The following CAMK2A variants were observed in gnomAD, a reference collection of about 807,000 sequenced individuals.
The protein encoded by CAMK2A is calcium/calmodulin-dependent protein kinase type II subunit alpha.
CAMK2A carries 7 observed loss-of-function variants against 79.2 expected under a neutral mutation model. The observed-to-expected ratio is 0.09, with a 90% CI of 0.05 to 0.17. CAMK2A has a LOEUF of 0.17. Ranked by LOEUF, CAMK2A falls within the 10% of genes least tolerant of loss-of-function variation. The pLI is 1.00. For missense variants in CAMK2A, 214 were observed against 646.4 expected (o/e 0.33, Z 7.25); for synonymous variants, 242 against 251.7 (o/e 0.96, Z 0.36).
chr5:150,270,098 A>G (rs13354653), intron 2 of CAMK2A, among the ~76,000 whole-genome samples: 47,992 of 152,120 alleles, frequency 0.32, 11,645 homozygotes, highest in African/African-American at 0.68. Context: ...CTGTGTGTGC[A>G]GTGGGGAGGA....
At chr5:150,226,025 C>T (rs1209360906) in intron 17 of CAMK2A, among the ~76,000 whole-genome samples, 4 of 152,296 alleles carry the variant, frequency 2.6e-5, no homozygotes, top group Middle Eastern at 6.8e-3. Context: ...GGATTACAGG[C>T]GTGAGCCACC....
In CAMK2A at chr5:150,221,590, T is replaced by A. The variant is rs1754311806; in HGVS notation, c.*1120A>T. On this transcript the variant is annotated 3_prime_UTR_variant, in exon 19 of 19. Transcript: ENST00000671881. ...TCCTCCTCTCTGCCCTGACTTGCTG[T>A]TCCTGAGTCAGTGCTGGCATCTGAT... 2.5e-6 allele frequency: 1 copy of A among 398,630 alleles called. No individual in the cohort carries two copies. The highest frequency in any genetic ancestry group is 4.4e-6 in the Non-Finnish European group (1 of 226,040). 24.7% of individuals were successfully genotyped at this position (398,630 alleles called of 1,614,324 possible).
intron 2 of CAMK2A, among the ~76,000 whole-genome samples, chr5:150,266,354 C>A (rs1461500252): frequency 6.6e-6 from 1 of 152,226 alleles, no homozygotes; most frequent in Non-Finnish European, 1.5e-5. Flanking sequence ...CAAGCTGAAG[C>A]CTCCGTGGTG....
chr5:150,221,422 C>G lies in CAMK2A; in HGVS notation c.*1288G>C, dbSNP rs1237048951. On this transcript the variant is annotated 3_prime_UTR_variant, in exon 19 of 19. Coordinates refer to ENST00000671881, the MANE Select transcript of CAMK2A (RefSeq NM_015981.4). The stretch of plus-strand genomic sequence containing the variant: ...GAGAGGCAATGAAGACACACGCTCA[C>G]GGGCCCCCCAGAGGTGGGTGGGGGG... 3 of 398,592 alleles carry G rather than the reference C, an allele frequency of 7.5e-6. No homozygotes were observed. Among genetic ancestry groups the G allele is most frequent in the Middle Eastern group, 6.2e-4 (1 of 1,608 alleles). 24.7% of individuals were successfully genotyped at this position (398,592 alleles called of 1,614,324 possible). A position where few individuals can be genotyped will look rare whatever the true frequency, so the allele number is the denominator to read the frequency against.
At chr5:150,241,002 C>T (rs1202719353) in intron 13 of CAMK2A, among the ~76,000 whole-genome samples, 1 of 152,210 alleles carries the variant, frequency 6.6e-6, no homozygotes, top group Non-Finnish European at 1.5e-5. Flanking sequence ...CAGTGAGCTC[C>T]CCAAAATCCT....
chr5:150,243,399 T>C (rs1189601191), intron 13 of CAMK2A, among the ~76,000 whole-genome samples: 1 of 152,194 alleles, frequency 6.6e-6, no homozygotes, highest in African/African-American at 2.4e-5. Flanking sequence ...GGGCCCCAGC[T>C]ACTCCAAAGC....
chr5:150,250,301 G>A lies in CAMK2A; in HGVS notation c.825C>T (p.Ser275=), dbSNP rs1437727153. The A allele has an allele frequency of 1.6e-5, 26 of 1,613,738 alleles. No homozygotes were observed. The highest frequency in any genetic ancestry group is 2.2e-5 in the Non-Finnish European group (26 of 1,179,864). ...GTCTGTGCATGCAGGATGCCACGGT[G>A]GAGCGGTGCTGGAGGAAGTAGGGGA... The part of the protein sequence containing the change: ...ALKHPWISHR[S]TVASCMHRQE... Residue 275 remains serine (S), a synonymous_variant, in exon 11 of 19, where the codon TCC becomes TCT. Coordinates refer to ENST00000671881, the MANE Select transcript of CAMK2A (RefSeq NM_015981.4).
rs754254543 is a variant in CAMK2A at position 150,251,644 on chromosome 5, C to T, written c.693+106G>A. The stretch of plus-strand genomic sequence containing the variant: ...CCTGGCCCTGGTCAGTCTTCATGCT[C>T]CCCTGGGGTTCACCCCTGTGCCAGA... On this transcript the variant is annotated intron_variant, in intron 9 of 18. Coordinates refer to ENST00000671881, the MANE Select transcript of CAMK2A (RefSeq NM_015981.4). 299 of 793,180 alleles carry T rather than the reference C, an allele frequency of 3.8e-4. 1 individual carries two copies. Among genetic ancestry groups the T allele is most frequent in the Non-Finnish European group, 5.7e-4 (289 of 503,684 alleles). The allele number at this position is 793,180 out of a possible 1,614,324, so 49.1% of individuals were successfully genotyped here.
rs534901303 is a variant in CAMK2A at position 150,250,995 on chromosome 5, G to A, written c.694-185C>T. Among the ~76,000 whole-genome samples, 5 of 152,336 alleles carry A rather than the reference G, an allele frequency of 3.3e-5. No homozygotes were observed. In the East Asian group the frequency reaches 5.8e-4, roughly 18 times the overall value. On this transcript the variant is annotated intron_variant, in intron 9 of 18. Transcript: ENST00000671881. Reference sequence around the variant, plus strand: ...CCTAGCCCCATACAAATCAGAACACGGCAGAGGGAAAGGAGGCCTCCCTCC... The same window carrying A: ...CCTAGCCCCATACAAATCAGAACACAGCAGAGGGAAAGGAGGCCTCCCTCC...
intron 3 of CAMK2A, among the ~76,000 whole-genome samples, chr5:150,260,362 G>C (rs1356044088): frequency 2.6e-5 from 4 of 151,972 alleles, no homozygotes; most frequent in East Asian, 1.9e-4. Context: ...AGGAGGCTGA[G>C]GCAGGAGAAT....
chr5:150,289,908 C>T (rs873593), upstream of CAMK2A: 39,802 of 487,058 alleles, frequency 0.082, 1,932 homozygotes, highest in African/African-American at 0.12. Flanking sequence ...CCTTCCACTG[C>T]GAAACCTGCT....
At chr5:150,224,633 A>C (rs867835331) in intron 17 of CAMK2A, among the ~76,000 whole-genome samples, 6 of 152,250 alleles carry the variant, frequency 3.9e-5, no homozygotes, top group Admixed American at 2.6e-4. Flanking sequence ...TCAGACATAC[A>C]GAATGTAGGG....
chr5:150,219,882 A>AT lies in CAMK2A; in HGVS notation c.*2827dup, dbSNP rs34777554. The AT allele has an allele frequency of 0.25, 37,427 of 150,948 alleles. 5,005 individuals are homozygous for AT. The highest frequency in any genetic ancestry group is 0.31 in the Non-Finnish European group (20,960 of 67,754). 9.4% of individuals were successfully genotyped at this position (150,948 alleles called of 1,614,324 possible). ...TTTTATTTATTTATTTATTATTATT[A>AT]TTATTATTATTTTGCATCTAAAGGA... On this transcript the variant is annotated 3_prime_UTR_variant, in exon 19 of 19. Transcript: ENST00000671881.
At chr5:150,268,604 G>T (rs1329885978) in intron 2 of CAMK2A, among the ~76,000 whole-genome samples, 2 of 152,172 alleles carry the variant, frequency 1.3e-5, no homozygotes, top group Admixed American at 1.3e-4. Flanking sequence ...CAGAAAATGG[G>T]CACAATGAGA....
intron 12 of CAMK2A, chr5:150,245,431 C>T (rs994776297): frequency 5.2e-6 from 3 of 572,450 alleles, no homozygotes; most frequent in Admixed American, 3.1e-5. Context: ...CAATCTCAAG[C>T]GTAACCCTCT....
intron 16 of CAMK2A, 85 bp downstream of exon 16, chr5:150,231,220 G>A: frequency 1.6e-6 from 1 of 632,944 alleles, no homozygotes; most frequent in East Asian, 2.9e-5. Flanking sequence ...ATGAGGATCG[G>A]AGACAAGGAC....
chr5:150,282,327 T>G (rs1757250941), intron 1 of CAMK2A, among the ~76,000 whole-genome samples: 1 of 152,222 alleles, frequency 6.6e-6, no homozygotes, highest in South Asian at 2.1e-4. Context: ...TTCCAACATA[T>G]TCCTTGTTTT....
chr5:150,288,371 A>G (rs1438594626), intron 1 of CAMK2A, among the ~76,000 whole-genome samples: 3 of 152,040 alleles, frequency 2.0e-5, no homozygotes, highest in Admixed American at 2.0e-4. Context: ...ACTCACACAC[A>G]TGCACCCTTG....
intron 13 of CAMK2A, among the ~76,000 whole-genome samples, chr5:150,244,639 T>C (rs2114052274): frequency 6.6e-6 from 1 of 152,142 alleles, no homozygotes; most frequent in Non-Finnish European, 1.5e-5. Flanking sequence ...ATTTTGGAAC[T>C]GAACCAGCAC....
Sources: allele counts gnomAD v4.1 joint callset (sites outside exome capture counted in the v4.1 genomes callset), GRCh38; gene constraint gnomAD v4.1.1; transcripts MANE v1.5; gene names NCBI Gene and HGNC (gene_info 2026-07-23, HGNC 2026-07-21).